The following ZSCAN5A variants were observed in gnomAD, a reference collection of about 807,000 sequenced individuals.
ZSCAN5A encodes the protein zinc finger and SCAN domain containing 5A.
ZSCAN5A carries 12 observed loss-of-function variants against 23.7 expected under a neutral mutation model. That is an observed-to-expected ratio of 0.51 (90% CI 0.32 to 0.82). The LOEUF (loss-of-function observed/expected upper bound fraction) is 0.82, where lower values mean the gene tolerates loss of function less well. Ranked by LOEUF, ZSCAN5A falls within the 40% of genes least tolerant of loss-of-function variation. The pLI, the probability that ZSCAN5A is intolerant of heterozygous loss-of-function variation, is 0.03. For synonymous variants in ZSCAN5A, 257 were observed against 239.9 expected, an observed-to-expected ratio of 1.07 and a Z score of -0.66; for missense variants, 597 against 617.9, an observed-to-expected ratio of 0.97 and a Z score of 0.36.
chr19:56,342,799 G>A, intron 2 of ZSCAN5A: 1 of 760,080 alleles, frequency 1.3e-6, no homozygotes, highest in Non-Finnish European at 2.4e-6. Context: ...ACTGAACTGG[G>A]ACCAATCATA....
chr19:56,222,577 G>C lies in ZSCAN5A; in HGVS notation c.739+14C>G, dbSNP rs754933730. 12 of 1,613,526 alleles carry C rather than the reference G, an allele frequency of 7.4e-6. No individual in the cohort carries two copies. The East Asian group carries it at 2.7e-4, about 36-fold the overall frequency. On this transcript the variant is annotated intron_variant, in intron 5 of 5. Coordinates refer to ENST00000683990, the MANE Select transcript of ZSCAN5A (RefSeq NM_001322064.3). The stretch of plus-strand genomic sequence containing the variant: ...GAGGGACTAACCCCTGTGGATCCAA[G>C]TCTTCATACTCACTGGGACTCTTTG...
intron 2 of ZSCAN5A, chr19:56,295,027 T>A (rs1168969384): frequency 6.6e-6 from 1 of 152,132 alleles, no homozygotes; most frequent in Non-Finnish European, 1.5e-5. Flanking sequence ...GGCACCAGGT[T>A]TGGAGGCAAT....
intron 2 of ZSCAN5A, among the ~76,000 whole-genome samples, chr19:56,275,690 G>T (rs2038195471): frequency 6.6e-6 from 1 of 152,222 alleles, no homozygotes; most frequent in Admixed American, 6.5e-5. Flanking sequence ...AGATGTTTGG[G>T]ACATCCATAG....
intron 2 of ZSCAN5A, among the ~76,000 whole-genome samples, chr19:56,258,183 G>A (rs1289363053): frequency 6.6e-6 from 1 of 152,192 alleles, no homozygotes; most frequent in Non-Finnish European, 1.5e-5. Flanking sequence ...GCTCCCACCC[G>A]CCTCTTGGTG....
At chr19:56,299,259 G>A (rs1055203764) in intron 2 of ZSCAN5A, among the ~76,000 whole-genome samples, 3 of 151,792 alleles carry the variant, frequency 2.0e-5, no homozygotes, top group Non-Finnish European at 4.4e-5. Context: ...CAGCCTCTGA[G>A]TAGCTGGGAC....
chr19:56,312,300 C>G (rs1047773095), intron 2 of ZSCAN5A: 1 of 152,062 alleles, frequency 6.6e-6, no homozygotes, highest in Non-Finnish European at 1.5e-5. Context: ...ATAACTGAAC[C>G]AAGTATCAAT....
chr19:56,230,797 C>T (rs985154600), intron 2 of ZSCAN5A, among the ~76,000 whole-genome samples: 1 of 152,156 alleles, frequency 6.6e-6, no homozygotes, highest in Non-Finnish European at 1.5e-5. Flanking sequence ...ACTATTAGGT[C>T]ACTTACTGAA....
In ZSCAN5A at chr19:56,221,595, G is replaced by C; in HGVS notation, c.1471C>G (p.Pro491Ala). 4 of 1,603,962 alleles carry C rather than the reference G, an allele frequency of 2.5e-6. No individual in the cohort carries two copies. The highest frequency in any genetic ancestry group is 4.5e-5 in the East Asian group (2 of 44,760). ...TGCAATCACTGAGAAGTAGCTTCTG[G>C]ATGTGTTTTCTGGTGGCGTCTTAAC... is the stretch of plus-strand genomic sequence containing the variant. ...KLLRRHQKTH[P>A]EATSQ The change falls in exon 6 of 6, where the codon CCA becomes GCA. Residue 491 changes from proline to alanine, a missense_variant. Transcript: ENST00000683990.
chr19:56,302,767 AGCCCCAGGGGC>A lies in ZSCAN5A; in HGVS notation c.-128+10505_-128+10515del, dbSNP rs1280595655. 15 of 394,850 alleles carry A rather than the reference AGCCCCAGGGGC, an allele frequency of 3.8e-5. No homozygotes were observed. In the South Asian group the frequency reaches 3.9e-4, roughly 10 times the overall value. The allele number at this position is 394,850 out of a possible 1,614,324, so 24.5% of individuals were successfully genotyped here. Reference sequence around the variant, plus strand: ...AAACTTCTCCCTTCTGCACTAACACAGCCCCAGGGGCTCCTTTGAAATACTGTCACTCATTC... The same window carrying A: ...AAACTTCTCCCTTCTGCACTAACACATCCTTTGAAATACTGTCACTCATTC... On this transcript the variant is annotated intron_variant, in intron 2 of 5. Transcript: ENST00000683990.
At chr19:56,231,987 T>TC (rs1277371497) in intron 2 of ZSCAN5A, among the ~76,000 whole-genome samples, 2 of 66,312 alleles carry the variant, frequency 3.0e-5, no homozygotes, top group African/African-American at 1.2e-4. Flanking sequence ...TTCTTTCTTT[T>TC]TTTCTTTTCT....
chr19:56,223,040 T>C (rs1252578154), intron 4 of ZSCAN5A, among the ~76,000 whole-genome samples: 2 of 152,290 alleles, frequency 1.3e-5, no homozygotes, highest in East Asian at 3.9e-4. Context: ...CACCTGACAC[T>C]GGAAGGAGCA....
chr19:56,362,018 C>T (rs1202975085), intron 2 of ZSCAN5A, among the ~76,000 whole-genome samples: 8 of 151,566 alleles, frequency 5.3e-5, no homozygotes, highest in African/African-American at 1.7e-4. Context: ...ATTAGCTGGG[C>T]GGGGTGGCGG....
At chr19:56,342,787 G>C (rs1041008783) in intron 2 of ZSCAN5A, 1 of 740,810 alleles carries the variant, frequency 1.3e-6, no homozygotes, top group East Asian at 2.5e-5. Flanking sequence ...GAGATACAGA[G>C]TACTGAACTG....
At chr19:56,321,076 G>A in intron 2 of ZSCAN5A, 1 of 701,394 alleles carries the variant, frequency 1.4e-6, no homozygotes, top group South Asian at 1.4e-5. Flanking sequence ...GATAGACTGA[G>A]TATCTGCAGA....
At chr19:56,348,815 GA>G (rs1468920813) in intron 2 of ZSCAN5A, among the ~76,000 whole-genome samples, 1 of 152,184 alleles carries the variant, frequency 6.6e-6, no homozygotes, top group Non-Finnish European at 1.5e-5. Context: ...GTAGCCGAAA[GA>G]AATAAATTAG....
chr19:56,297,286 C>T (rs1247527719), intron 2 of ZSCAN5A, among the ~76,000 whole-genome samples: 1 of 152,058 alleles, frequency 6.6e-6, no homozygotes, highest in Non-Finnish European at 1.5e-5. Context: ...CACCTGGAAG[C>T]ACTATTTAGA....
At chr19:56,303,614 G>A (rs982688590) in intron 2 of ZSCAN5A, among the ~76,000 whole-genome samples, 18 of 152,086 alleles carry the variant, frequency 1.2e-4, no homozygotes, top group Admixed American at 4.6e-4. Context: ...AAATATTCAC[G>A]TGTGTAGAGG....
rs1321762611 is a variant in ZSCAN5A at position 56,352,183 on chromosome 19, G to A, written c.-358+11052C>T. ...GTGGCACGATCTCAGCTCACTGCAAGCTCCGCCTCCTGGATTCACGCCATT... is the reference window on the plus strand; with the variant it reads ...GTGGCACGATCTCAGCTCACTGCAAACTCCGCCTCCTGGATTCACGCCATT... On this transcript the variant is annotated intron_variant, in intron 2 of 6. Transcript: ENST00000587340. The surrounding 1 kb of genome is among the most constrained non-coding windows in gnomAD (Gnocchi z 4.2). Among the ~76,000 whole-genome samples the A allele has an allele frequency of 6.6e-6, 1 of 152,036 alleles. No homozygotes were observed. Among genetic ancestry groups the A allele is most frequent in the Non-Finnish European group, 1.5e-5 (1 of 68,024 alleles).
chr19:56,269,333 GATA>G (rs1257549455), intron 2 of ZSCAN5A, among the ~76,000 whole-genome samples: 9 of 152,126 alleles, frequency 5.9e-5, no homozygotes, highest in Non-Finnish European at 1.0e-4. Context: ...AATAATTAAT[GATA>G]ATAATTGTTG....
Sources: allele counts gnomAD v4.1 joint callset (sites outside exome capture counted in the v4.1 genomes callset), GRCh38; gene constraint gnomAD v4.1.1; non-coding constraint Gnocchi (gnomAD v3.1); transcripts MANE v1.5; gene names NCBI Gene and HGNC (gene_info 2026-07-23, HGNC 2026-07-21).